The following GALNT7 variants were observed in gnomAD, a reference collection of about 807,000 sequenced individuals.
GALNT7 encodes polypeptide N-acetylgalactosaminyltransferase 7.
Under a neutral mutation model 82.1 loss-of-function variants are expected in GALNT7, and 60 were observed. The observed-to-expected ratio is 0.73, with a 90% CI of 0.59 to 0.91. GALNT7 has a LOEUF of 0.91. Among genes scored for constraint, GALNT7 ranks in the 40% least tolerant of loss-of-function variants. GALNT7 has a pLI of 0.00. For synonymous variants in GALNT7, 243 were observed against 275.1 expected (o/e 0.88, Z 1.15); for missense variants, 660 against 804.2 (o/e 0.82, Z 2.17).
At chr4:173,186,071 A>G (rs576477696) in intron 1 of GALNT7, among the ~76,000 whole-genome samples, 2 of 152,388 alleles carry the variant, frequency 1.3e-5, no homozygotes, top group South Asian at 2.1e-4. Flanking sequence ...GGGGCCTGCT[A>G]TATAGTACAA....
chr4:173,249,125 A>G (rs940532642), intron 2 of GALNT7, among the ~76,000 whole-genome samples: 10 of 152,204 alleles, frequency 6.6e-5, no homozygotes, highest in Admixed American at 2.0e-4. Context: ...TTTCTCTTTC[A>G]GTTTATTCAA....
intron 1 of GALNT7, among the ~76,000 whole-genome samples, chr4:173,247,722 T>C (rs1043111511): frequency 6.6e-6 from 1 of 152,166 alleles, no homozygotes; most frequent in Non-Finnish European, 1.5e-5. Flanking sequence ...GAGAAGTAGA[T>C]TTGTAAAGGG....
At chr4:173,271,723 C>T (rs1325973288) in intron 2 of GALNT7, among the ~76,000 whole-genome samples, 2 of 152,038 alleles carry the variant, frequency 1.3e-5, no homozygotes, top group African/African-American at 4.8e-5. Flanking sequence ...TCCCAAAATG[C>T]TAGGATTATA....
intron 6 of GALNT7, among the ~76,000 whole-genome samples, chr4:173,301,184 A>G (rs959226216): frequency 6.6e-6 from 1 of 152,038 alleles, no homozygotes; most frequent in Non-Finnish European, 1.5e-5. Flanking sequence ...ACCTTGAAAT[A>G]GGTTCCATTG....
rs1010970268 is a variant in GALNT7, at chr4:173,302,500, A to G, written c.1266+336A>G. 1.3e-5 allele frequency among the ~76,000 whole-genome samples: 2 copies of G among 152,170 alleles called. No individual in the cohort carries two copies. Among genetic ancestry groups the G allele is most frequent in the African/African-American group, 2.4e-5 (1 of 41,436 alleles). On this transcript the variant is annotated intron_variant, in intron 7 of 11. Transcript: ENST00000265000. This position sits in a 1 kb window ranked among gnomAD's most constrained non-coding sequence, Gnocchi z 4.2. ...AGAATCTGCATGCGTTAGGGCCACA[A>G]TTGACCACCCACTGACACAGTCACC...
intron 1 of GALNT7, among the ~76,000 whole-genome samples, chr4:173,207,198 C>G (rs991795112): frequency 2.6e-5 from 4 of 152,138 alleles, no homozygotes; most frequent in Non-Finnish European, 4.4e-5. Flanking sequence ...AGAACTTTCT[C>G]CAAAGGGAAT....
rs147753963 is a variant in GALNT7, at chr4:173,248,814, C to T, written c.587+374C>T. Among the ~76,000 whole-genome samples the T allele has an allele frequency of 2.3e-3, 346 of 152,308 alleles. 1 individual carries two copies. The highest frequency in any genetic ancestry group is 8.0e-3 in the African/African-American group (332 of 41,564). ...AAGTGACAACTTTTTAATAGCAAAA[C>T]TTCCTTGATTTGTTGATTTTCATTC... is the stretch of plus-strand genomic sequence containing the variant. On this transcript the variant is annotated intron_variant, in intron 2 of 11. Coordinates refer to ENST00000265000, the MANE Select transcript of GALNT7 (RefSeq NM_017423.3).
rs190071925 is a variant in GALNT7, at chr4:173,277,387, C to T, written c.588-14721C>T. The stretch of plus-strand genomic sequence containing the variant: ...TGAATTCTCATCTCTACTTCTTTCT[C>T]TCTGCTTCTGCATGAAAATAGCTGT... On this transcript the variant is annotated intron_variant, in intron 2 of 11. Coordinates refer to ENST00000265000, the MANE Select transcript of GALNT7 (RefSeq NM_017423.3). 1.2e-4 allele frequency among the ~76,000 whole-genome samples: 18 copies of T among 152,290 alleles called. 1 individual carries two copies. Among genetic ancestry groups the T allele is most frequent in the Middle Eastern group, 6.8e-3 (2 of 294 alleles).
intron 2 of GALNT7, among the ~76,000 whole-genome samples, chr4:173,262,807 C>A (rs544056015): frequency 2.6e-5 from 4 of 152,240 alleles, no homozygotes; most frequent in African/African-American, 9.6e-5. Flanking sequence ...GCATACTTCC[C>A]ATTTCGTCTC....
chr4:173,171,424 A>G (rs1157951123), intron 1 of GALNT7, among the ~76,000 whole-genome samples: 5 of 152,210 alleles, frequency 3.3e-5, no homozygotes, highest in Non-Finnish European at 7.3e-5. Flanking sequence ...CCAGTTTACC[A>G]GGTATGGGTT....
At chr4:173,280,933 T>C (rs1452312768) in intron 2 of GALNT7, among the ~76,000 whole-genome samples, 1 of 152,208 alleles carries the variant, frequency 6.6e-6, no homozygotes, top group Non-Finnish European at 1.5e-5. Flanking sequence ...TTTAAGATCC[T>C]GCCTTCAGGT....
intron 2 of GALNT7, among the ~76,000 whole-genome samples, chr4:173,283,511 G>C (rs949892875): frequency 1.3e-5 from 2 of 151,984 alleles, no homozygotes; most frequent in African/African-American, 4.8e-5. Context: ...GTGGTGGCAG[G>C]CACCCATAAT....
In GALNT7 at chr4:173,295,299, C is replaced by T. The variant is rs1736681479; in HGVS notation, c.755-97C>T. On this transcript the variant is annotated intron_variant, in intron 3 of 11. Coordinates refer to ENST00000265000, the MANE Select transcript of GALNT7 (RefSeq NM_017423.3). ...AATCTGGTCCATGTAAAATTACTGT[C>T]TACCCAATGCACCTGTATTCTTGTT... 1.1e-5 allele frequency: 9 copies of T among 791,200 alleles called. No individual in the cohort carries two copies. In the East Asian group the frequency reaches 2.2e-4, roughly 20 times the overall value. The allele number at this position is 791,200 out of a possible 1,614,324, so 49.0% of individuals were successfully genotyped here. A position where few individuals can be genotyped will look rare whatever the true frequency, so the allele number is the denominator to read the frequency against.
intron 1 of GALNT7, among the ~76,000 whole-genome samples, chr4:173,230,323 T>A (rs758247455): frequency 6.6e-6 from 1 of 152,202 alleles, no homozygotes; most frequent in Non-Finnish European, 1.5e-5. Flanking sequence ...TGGGTAGAGT[T>A]GCTTCCTGTT....
At chr4:173,209,397 C>G (rs1400243506) in intron 1 of GALNT7, among the ~76,000 whole-genome samples, 2 of 152,200 alleles carry the variant, frequency 1.3e-5, no homozygotes, top group Non-Finnish European at 1.5e-5. Flanking sequence ...AATACTAGTT[C>G]CCTGTTCCAC....
intron 2 of GALNT7, among the ~76,000 whole-genome samples, chr4:173,265,853 G>A (rs1159570474): frequency 6.6e-6 from 1 of 152,012 alleles, no homozygotes; most frequent in African/African-American, 2.4e-5. Context: ...TATCAGAATG[G>A]ATGGGAGCCC....
chr4:173,301,946 C>G, intron 6 of GALNT7, 101 bp from the exon 7 acceptor site: 1 of 658,120 alleles, frequency 1.5e-6, no homozygotes, highest in Non-Finnish European at 2.7e-6. Context: ...TTTGTCTCTT[C>G]TATGCATTTT....
chr4:173,316,122 C>T (rs1235471306), intron 9 of GALNT7: 2 of 152,344 alleles, frequency 1.3e-5, no homozygotes, highest in Non-Finnish European at 2.9e-5. Flanking sequence ...AAGACAAAGT[C>T]CTTTCTGGTA....
chr4:173,183,043 A>AAC (rs35043722), intron 1 of GALNT7, among the ~76,000 whole-genome samples: 5,742 of 125,006 alleles, frequency 0.046, 163 homozygotes, highest in South Asian at 0.074. Context: ...CACACACATA[A>AAC]ACACACACAC....
Sources: gnomAD v4.1 joint callset for allele counts (sites outside exome capture counted in the v4.1 genomes callset) on GRCh38, gnomAD v4.1.1 for gene constraint, Gnocchi (gnomAD v3.1) non-coding constraint, MANE v1.5 for transcripts, NCBI Gene and HGNC (gene_info 2026-07-23, HGNC 2026-07-21) for gene names.